Variants in CCNT2 observed in about 807,000 individuals in gnomAD.
CCNT2 encodes cyclin-T2.
A neutral mutation model predicts 70.0 loss-of-function variants in CCNT2; 18 were observed. The observed-to-expected ratio is 0.26, with a 90% CI of 0.18 to 0.38. CCNT2 has a LOEUF of 0.38. Ranked by LOEUF, CCNT2 falls within the 10% of genes least tolerant of loss-of-function variation. CCNT2 has a pLI of 1.00. For missense variants in CCNT2, 734 were observed against 890.2 expected (o/e 0.82, Z 2.23); for synonymous variants, 334 against 313.3 (o/e 1.07, Z -0.70).
chr2:134,943,851 T>G, intron 5 of CCNT2: 1 of 984,914 alleles, frequency 1.0e-6, no homozygotes, highest in Non-Finnish European at 1.2e-6. Flanking sequence ...TTTTGCAGTT[T>G]CATTCATTTA....
chr2:134,941,487 G>A (rs776506454), intron 4 of CCNT2, among the ~76,000 whole-genome samples: 9 of 152,180 alleles, frequency 5.9e-5, no homozygotes, highest in Admixed American at 1.3e-4. Flanking sequence ...TTAAGTCTTA[G>A]GGGAGTACTT....
At chr2:134,939,374 T>C (rs1681395703) in intron 4 of CCNT2, among the ~76,000 whole-genome samples, 1 of 152,204 alleles carries the variant, frequency 6.6e-6, no homozygotes, top group African/African-American at 2.4e-5. Context: ...TATATGATTA[T>C]GATGTATACA....
Position 134,954,613 on chromosome 2 carries a change from G to T in CCNT2, c.2158G>T (p.Asp720Tyr). 1.2e-6 allele frequency: 2 copies of T among 1,612,710 alleles called. No homozygotes were observed. The highest frequency in any genetic ancestry group is 1.7e-6 in the Non-Finnish European group (2 of 1,178,774). The change falls in exon 9 of 9, where the codon GAC becomes TAC. Residue 720 changes from aspartate (D) to tyrosine (Y), a missense_variant. Transcript: ENST00000264157. ...MDYKDTFDML[D>Y]SLLSAQGMNM ...CTACAAAGACACATTCGACATGCTG[G>T]ACTCACTGTTAAGTGCCCAAGGAAT...
intron 7 of CCNT2, among the ~76,000 whole-genome samples, chr2:134,950,566 C>G (rs1682413737): frequency 6.6e-6 from 1 of 151,886 alleles, no homozygotes; most frequent in Non-Finnish European, 1.5e-5. Flanking sequence ...GAGCCTGAGA[C>G]GTCAAGGTTG....
In CCNT2 at chr2:134,939,059, C is replaced by T; in HGVS notation, c.427C>T (p.Leu143=). 6.2e-7 allele frequency: 1 copy of T among 1,604,454 alleles called. No homozygotes were observed. The highest frequency in any genetic ancestry group is 8.5e-7 in the Non-Finnish European group (1 of 1,171,730). Residue 143 remains leucine (L), a synonymous_variant, in exon 4 of 9, where the codon CTA becomes TTA. Transcript: ENST00000264157. ...VILETIMLQT[L]GFEITIEHPH... ...ACTTGAAACCATAATGCTACAAACT[C>T]TAGGTACGTACTTACATCAGATAAT...
chr2:134,950,999 A>T (rs1394943166), intron 7 of CCNT2, among the ~76,000 whole-genome samples: 1 of 152,028 alleles, frequency 6.6e-6, no homozygotes, highest in Non-Finnish European at 1.5e-5. Context: ...GAGTCAAAAC[A>T]GTTTTGTTAA....
intron 2 of CCNT2, among the ~76,000 whole-genome samples, chr2:134,933,730 T>C (rs1680949504): frequency 6.6e-6 from 1 of 152,222 alleles, no homozygotes; most frequent in Non-Finnish European, 1.5e-5. Flanking sequence ...ATACACTTGT[T>C]AAATTGTTTT....
intron 5 of CCNT2, chr2:134,944,149 T>A (rs1291206448): frequency 1.0e-6 from 1 of 984,150 alleles, no homozygotes; most frequent in Non-Finnish European, 1.2e-6. Context: ...CATGGTTATA[T>A]CAGCGTGTTT....
At chr2:134,944,508 A>G in intron 5 of CCNT2, 2 of 964,262 alleles carry the variant, frequency 2.1e-6, no homozygotes, top group Non-Finnish European at 2.5e-6. Context: ...TTCTAGAGAC[A>G]TGAAGTCAGT....
chr2:134,932,394 ATTGT>A (rs1280015368), intron 2 of CCNT2, among the ~76,000 whole-genome samples: 1 of 152,094 alleles, frequency 6.6e-6, no homozygotes, highest in African/African-American at 2.4e-5. Context: ...TTTTCAGTAT[ATTGT>A]TTAAGTATAA....
At chr2:134,935,798 TTACTAAG>T (rs1403787652) in intron 2 of CCNT2, among the ~76,000 whole-genome samples, 3 of 152,068 alleles carry the variant, frequency 2.0e-5, no homozygotes, top group African/African-American at 7.2e-5. Flanking sequence ...AGGACCTAAT[TTACTAAG>T]CTAAAAAAAA....
intron 2 of CCNT2, among the ~76,000 whole-genome samples, chr2:134,933,559 GA>G (rs1461028951): frequency 6.6e-6 from 1 of 152,098 alleles, no homozygotes; most frequent in Non-Finnish European, 1.5e-5. Context: ...GAATAAAAAA[GA>G]GAAGGAGTGA....
intron 2 of CCNT2, among the ~76,000 whole-genome samples, chr2:134,933,759 T>C (rs145078565): frequency 1.5e-3 from 225 of 152,270 alleles, no homozygotes; most frequent in African/African-American, 5.2e-3. Context: ...AAAATCAACA[T>C]TAACATGCAC....
chr2:134,932,287 C>T (rs1680837311), intron 2 of CCNT2, among the ~76,000 whole-genome samples: 1 of 152,180 alleles, frequency 6.6e-6, no homozygotes, highest in South Asian at 2.1e-4. Context: ...AGGCATGAGC[C>T]ACCACGCTCG....
intron 2 of CCNT2, among the ~76,000 whole-genome samples, chr2:134,923,577 A>G (rs895680247): frequency 3.9e-5 from 6 of 152,236 alleles, no homozygotes; most frequent in Admixed American, 2.6e-4. Flanking sequence ...GTGCTCTTCA[A>G]TGTAGTAGGT....
At chr2:134,940,205 T>C (rs533884952) in intron 4 of CCNT2, among the ~76,000 whole-genome samples, 10 of 152,186 alleles carry the variant, frequency 6.6e-5, no homozygotes, top group African/African-American at 2.4e-4. Flanking sequence ...AAAACTAGTT[T>C]GTGTGAAATA....
At chr2:134,945,944 G>A in intron 5 of CCNT2, 157 bp from the exon 6 acceptor site, 1 of 1,544,656 alleles carries the variant, frequency 6.5e-7, no homozygotes. Context: ...ATTTTCAGTA[G>A]TATAGAAAAT....
At position 134,959,059 on chromosome 2, in the gene CCNT2, T is replaced by G. The variant is rs1027161802; in HGVS notation, c.*4411T>G. The stretch of plus-strand genomic sequence containing the variant: ...TTTGTTTGATTTGCCTATTGTTTAA[T>G]AATGAGTACATTCTTATTAAGTGAT... On this transcript the variant is annotated 3_prime_UTR_variant, in exon 9 of 9. Coordinates refer to ENST00000264157, the MANE Select transcript of CCNT2 (RefSeq NM_058241.3). 6.6e-6 allele frequency: 1 copy of G among 152,198 alleles called. No homozygotes were observed. The highest frequency in any genetic ancestry group is 1.5e-5 in the Non-Finnish European group (1 of 68,038). 9.4% of individuals were successfully genotyped at this position (152,198 alleles called of 1,614,324 possible).
chr2:134,943,148 C>T (rs1291531416), intron 5 of CCNT2: 2 of 966,302 alleles, frequency 2.1e-6, no homozygotes, highest in Non-Finnish European at 2.5e-6. Flanking sequence ...CACCTGTAAT[C>T]CCAGCATTTT....
Sources: gnomAD v4.1 joint callset for allele counts (sites outside exome capture counted in the v4.1 genomes callset) on GRCh38, gnomAD v4.1.1 for gene constraint, MANE v1.5 for transcripts, NCBI Gene and HGNC (gene_info 2026-07-23, HGNC 2026-07-21) for gene names.